Variants in HIF1A observed in about 807,000 individuals in gnomAD.
The protein encoded by HIF1A is hypoxia-inducible factor 1-alpha.
Under a neutral mutation model 92.7 loss-of-function variants are expected in HIF1A, and 24 were observed. That is an observed-to-expected ratio of 0.26 (90% CI 0.19 to 0.36). The LOEUF (loss-of-function observed/expected upper bound fraction) is 0.36, where lower values mean the gene tolerates loss of function less well. Ranked by LOEUF, HIF1A falls within the 10% of genes least tolerant of loss-of-function variation. The probability of loss-of-function intolerance (pLI) is 1.00; values close to 1 mark genes in which losing one functional copy is unlikely to be tolerated. For synonymous variants in HIF1A, 319 were observed against 338.7 expected, an observed-to-expected ratio of 0.94 and a Z score of 0.64; for missense variants, 799 against 998.5, an observed-to-expected ratio of 0.80 and a Z score of 2.69.
chr14:61,739,954 T>G (rs1198689594), intron 10 of HIF1A: 1 of 152,208 alleles, frequency 6.6e-6, no homozygotes, highest in Non-Finnish European at 1.5e-5. Flanking sequence ...AATAAGGTGT[T>G]TCTTTTCATC....
intron 1 of HIF1A, among the ~76,000 whole-genome samples, chr14:61,707,014 T>C (rs1258038364): frequency 6.6e-6 from 1 of 152,246 alleles, no homozygotes; most frequent in Non-Finnish European, 1.5e-5. Context: ...GGTGTATTAA[T>C]GTCTTAGGAG....
chr14:61,703,790 C>A (rs1240355239), intron 1 of HIF1A, among the ~76,000 whole-genome samples: 1 of 152,118 alleles, frequency 6.6e-6, no homozygotes, highest in African/African-American at 2.4e-5. Context: ...AGAATATTAT[C>A]TTACTATACA....
At chr14:61,728,252 G>A (rs988662331) in intron 6 of HIF1A, among the ~76,000 whole-genome samples, 35 of 152,136 alleles carry the variant, frequency 2.3e-4, no homozygotes, top group African/African-American at 8.0e-4. Context: ...GATATGCAGT[G>A]TGTATTTTGA....
chr14:61,724,563 T>C (rs779518593), intron 4 of HIF1A, among the ~76,000 whole-genome samples: 4 of 152,184 alleles, frequency 2.6e-5, no homozygotes, highest in Non-Finnish European at 5.9e-5. Context: ...GAGTATAGGC[T>C]GGAATTCATC....
chr14:61,725,749 A>G (rs2044495588), intron 4 of HIF1A, among the ~76,000 whole-genome samples: 1 of 151,662 alleles, frequency 6.6e-6, no homozygotes. Context: ...TCACCTAAAT[A>G]TAATCTCATT....
chr14:61,732,146 A>G (rs1445872069), intron 6 of HIF1A, among the ~76,000 whole-genome samples: 1 of 152,204 alleles, frequency 6.6e-6, no homozygotes, highest in East Asian at 1.9e-4. Context: ...TGTCTCAAAA[A>G]AAAAGACCAG....
chr14:61,746,392 C>CTTTTTTTTTTTTTTTTTTTTTTTTTT (rs754879947), intron 14 of HIF1A, among the ~76,000 whole-genome samples: 1 of 49,494 alleles, frequency 2.0e-5, no homozygotes, highest in African/African-American at 5.0e-5. Context: ...TTTATGACTT[C>CTTTTTTTTTTTTTTTTTTTTTTTTTT]TTTTTTTTTT....
At chr14:61,724,748 A>G (rs1049545999) in intron 4 of HIF1A, among the ~76,000 whole-genome samples, 3 of 151,914 alleles carry the variant, frequency 2.0e-5, no homozygotes, top group Non-Finnish European at 4.4e-5. Flanking sequence ...CTACCTCTTC[A>G]TTTGTCTTTT....
chr14:61,699,257 G>A (rs984298653), intron 1 of HIF1A, among the ~76,000 whole-genome samples: 7 of 152,118 alleles, frequency 4.6e-5, no homozygotes, highest in African/African-American at 1.2e-4. Context: ...TCATTCCTAC[G>A]GTCCACTGCA....
At chr14:61,739,030 C>T (rs2044673987) in intron 10 of HIF1A, among the ~76,000 whole-genome samples, 1 of 152,096 alleles carries the variant, frequency 6.6e-6, no homozygotes, top group African/African-American at 2.4e-5. Flanking sequence ...GGATTACAGG[C>T]GTGAGCTACC....
chr14:61,702,028 C>T (rs572633522), intron 1 of HIF1A, among the ~76,000 whole-genome samples: 2 of 151,966 alleles, frequency 1.3e-5, no homozygotes, highest in South Asian at 2.1e-4. Context: ...AATACTGGTA[C>T]GTGGTGTACA....
chr14:61,746,902 A>G, intron 14 of HIF1A, 32 bp from the exon 15 acceptor site: 1 of 1,533,822 alleles, frequency 6.5e-7, no homozygotes, highest in Admixed American at 1.9e-5. Context: ...GACTAGATGA[A>G]TGTATACTTA....
intron 6 of HIF1A, among the ~76,000 whole-genome samples, chr14:61,728,067 A>C (rs2044529558): frequency 6.6e-6 from 1 of 152,086 alleles, no homozygotes; most frequent in South Asian, 2.1e-4. Context: ...CTTTCCACTA[A>C]ATTGAACAGA....
intron 1 of HIF1A, among the ~76,000 whole-genome samples, chr14:61,696,727 G>A (rs2044121547): frequency 6.6e-6 from 1 of 152,114 alleles, no homozygotes; most frequent in East Asian, 1.9e-4. Context: ...ACTGAAAAAA[G>A]TATATGATGA....
At chr14:61,696,038 G>C (rs1336680486) in intron 1 of HIF1A, among the ~76,000 whole-genome samples, 199 bp downstream of exon 1, 2 of 152,204 alleles carry the variant, frequency 1.3e-5, no homozygotes, top group African/African-American at 2.4e-5. Flanking sequence ...TCTTGTCGTG[G>C]GGGGTGGGAG....
At chr14:61,715,949 A>T (rs1185470274) in intron 1 of HIF1A, 1 of 152,186 alleles carries the variant, frequency 6.6e-6, no homozygotes, top group Non-Finnish European at 1.5e-5. Flanking sequence ...CAGTGAGCTT[A>T]TGATCATGCC....
At chr14:61,719,444 A>C (rs1376499160) in intron 1 of HIF1A, among the ~76,000 whole-genome samples, 1 of 152,216 alleles carries the variant, frequency 6.6e-6, no homozygotes, top group Non-Finnish European at 1.5e-5. Flanking sequence ...TCATTTGTAA[A>C]ATAGGGACAA....
intron 1 of HIF1A, among the ~76,000 whole-genome samples, chr14:61,709,844 TATG>T (rs1336992619): frequency 7.2e-5 from 11 of 152,188 alleles, no homozygotes; most frequent in African/African-American, 2.7e-4. Flanking sequence ...AGGAAAGAAA[TATG>T]ATAGTTCAAG....
In HIF1A at chr14:61,741,011, T is replaced by G. The variant is rs749918683; in HGVS notation, c.1916T>G (p.Ile639Ser). 1.8e-5 allele frequency: 29 copies of G among 1,613,964 alleles called. No individual in the cohort carries two copies. The highest frequency in any genetic ancestry group is 8.3e-5 in the Admixed American group (5 of 60,000). ...KDRMEDIKIL[I>S]ASPSPTHIHK... ...CGTATGGAAGACATTAAAATATTGATTGCATCTCCATCTCCTACCCACATA... is the reference window on the plus strand; with the variant it reads ...CGTATGGAAGACATTAAAATATTGAGTGCATCTCCATCTCCTACCCACATA... The change falls in exon 12 of 15, where the codon ATT becomes AGT. Residue 639 changes from isoleucine (I) to serine (S), a missense_variant. Physicochemically the swap from Ile to Ser is moderately radical, Grantham distance 142 (BLOSUM62 -2). Transcript: ENST00000337138.
Sources: allele counts gnomAD v4.1 joint callset (sites outside exome capture counted in the v4.1 genomes callset), GRCh38; gene constraint gnomAD v4.1.1; transcripts MANE v1.5; gene names NCBI Gene and HGNC (gene_info 2026-07-23, HGNC 2026-07-21).